CCDC148: variants seen among roughly 807,000 people sequenced by gnomAD.
CCDC148 encodes the protein coiled-coil domain containing 148.
In CCDC148, 89 loss-of-function variants were observed where a neutral mutation model predicts 85.7. The ratio of observed to expected loss-of-function variants is 1.04; its 90% CI spans 0.87 to 1.24. The LOEUF (loss-of-function observed/expected upper bound fraction) is 1.24. Among genes scored for constraint, CCDC148 ranks in the 50% most tolerant of loss-of-function variants. CCDC148 has a pLI of 0.00. For missense variants in CCDC148, 692 were observed against 671.7 expected, an observed-to-expected ratio of 1.03 and a Z score of -0.33; for synonymous variants, 230 against 213.9, an observed-to-expected ratio of 1.08 and a Z score of -0.66.
At chr2:158,259,582 T>C (rs112509006) in intron 9 of CCDC148, among the ~76,000 whole-genome samples, 1 of 151,254 alleles carries the variant, frequency 6.6e-6, no homozygotes, top group Non-Finnish European at 1.5e-5. Context: ...ATATATTTAT[T>C]GGATTAATTT....
chr2:158,325,491 T>C (rs1414000555), intron 7 of CCDC148, among the ~76,000 whole-genome samples: 1 of 152,166 alleles, frequency 6.6e-6, no homozygotes, highest in Non-Finnish European at 1.5e-5. Flanking sequence ...GGATCAGTCT[T>C]TGATTTTCTC....
chr2:158,289,632 T>A (rs2105185947), intron 9 of CCDC148, among the ~76,000 whole-genome samples: 1 of 152,348 alleles, frequency 6.6e-6, no homozygotes, highest in South Asian at 2.1e-4. Flanking sequence ...ATGTAGCTGG[T>A]ACAAGTTCTG....
At chr2:158,439,807 T>A (rs928669519) in intron 1 of CCDC148, among the ~76,000 whole-genome samples, 1 of 152,136 alleles carries the variant, frequency 6.6e-6, no homozygotes, top group African/African-American at 2.4e-5. Flanking sequence ...AAAATGTAAA[T>A]TTAAACTACA....
chr2:158,379,518 G>A (rs984022597), intron 1 of CCDC148, among the ~76,000 whole-genome samples: 2 of 152,128 alleles, frequency 1.3e-5, no homozygotes, highest in Admixed American at 6.6e-5. Flanking sequence ...TCTATGGTGC[G>A]TAAAATGCTA....
At chr2:158,329,125 T>G (rs1415942470) in intron 7 of CCDC148, among the ~76,000 whole-genome samples, 1 of 152,246 alleles carries the variant, frequency 6.6e-6, no homozygotes, top group Non-Finnish European at 1.5e-5. Flanking sequence ...CTAGGTTTTC[T>G]TCTAGGGTTT....
At position 158,415,136 on chromosome 2, in the gene CCDC148, T is replaced by TAA. The variant is rs11284036; in HGVS notation, c.25+41277_25+41278dup. ...AACTGCCTGAGACTGAGTAATTCAT[T>TAA]AAAAAAAAAAAAGAGGCTTAAATGG... On this transcript the variant is annotated intron_variant, in intron 1 of 13. Coordinates refer to ENST00000283233, the MANE Select transcript of CCDC148 (RefSeq NM_138803.4). Among the ~76,000 whole-genome samples the TAA allele has an allele frequency of 6.0e-4, 87 of 144,844 alleles. 1 individual carries two copies. Among genetic ancestry groups the TAA allele is most frequent in the African/African-American group, 1.9e-3 (76 of 39,160 alleles).
At chr2:158,415,136 TAAA>T (rs11284036) in intron 1 of CCDC148, among the ~76,000 whole-genome samples, 1 of 144,780 alleles carries the variant, frequency 6.9e-6, no homozygotes. Flanking sequence ...AGTAATTCAT[TAAA>T]AAAAAAAAAG....
At chr2:158,321,904 C>T (rs998570556) in intron 7 of CCDC148, among the ~76,000 whole-genome samples, 18 of 152,012 alleles carry the variant, frequency 1.2e-4, no homozygotes, top group Non-Finnish European at 2.1e-4. Context: ...CACATAAGGA[C>T]AGTGAAAGAG....
chr2:158,340,541 C>A (rs946464393), intron 4 of CCDC148, 57 bp downstream of exon 4: 14 of 1,391,246 alleles, frequency 1.0e-5, no homozygotes, highest in Non-Finnish European at 1.4e-5. Flanking sequence ...GTGAGTGGCC[C>A]ATTCTCATTC....
chr2:158,340,969 T>G (rs1005506556), intron 3 of CCDC148, among the ~76,000 whole-genome samples: 3 of 152,136 alleles, frequency 2.0e-5, no homozygotes, highest in Admixed American at 6.5e-5. Flanking sequence ...CTGACCTCAC[T>G]TCCTCAGATC....
intron 2 of CCDC148, 115 bp downstream of exon 2, chr2:158,358,334 G>T: frequency 8.2e-7 from 1 of 1,219,096 alleles, no homozygotes; most frequent in Non-Finnish European, 1.1e-6. Flanking sequence ...ATTTCTACTT[G>T]GGAGTTTCTA....
chr2:158,348,019 T>C (rs1271139513), intron 2 of CCDC148, among the ~76,000 whole-genome samples: 1 of 152,086 alleles, frequency 6.6e-6, no homozygotes, highest in South Asian at 2.1e-4. Context: ...CTAATATTGC[T>C]AGTGGGAATA....
intron 9 of CCDC148, among the ~76,000 whole-genome samples, chr2:158,306,619 A>G (rs1275731659): frequency 6.7e-6 from 1 of 149,128 alleles, no homozygotes; most frequent in Non-Finnish European, 1.5e-5. Context: ...ATAGGTGGGA[A>G]TTGAACAACG....
chr2:158,416,721 C>G (rs1262632004), intron 1 of CCDC148, among the ~76,000 whole-genome samples: 1 of 152,160 alleles, frequency 6.6e-6, no homozygotes, highest in East Asian at 1.9e-4. Context: ...TTCTTCTGAG[C>G]CCTCTGCACT....
intron 2 of CCDC148, among the ~76,000 whole-genome samples, chr2:158,349,687 A>C (rs1385368236): frequency 6.6e-6 from 1 of 152,102 alleles, no homozygotes; most frequent in African/African-American, 2.4e-5. Flanking sequence ...TCTAAATTAA[A>C]TTAGAAGACT....
At chr2:158,282,661 C>T (rs1559041898) in intron 9 of CCDC148, among the ~76,000 whole-genome samples, 1 of 152,234 alleles carries the variant, frequency 6.6e-6, no homozygotes, top group African/African-American at 2.4e-5. Context: ...ATTCCATGCT[C>T]ATGGGTAGGA....
At position 158,456,725 on chromosome 2, in the gene CCDC148, C is replaced by T. The variant is rs1051121737; in HGVS notation, c.-286G>A. On this transcript the variant is annotated 5_prime_UTR_variant, in exon 1 of 14. Coordinates refer to ENST00000283233, the MANE Select transcript of CCDC148 (RefSeq NM_138803.4). ...CTCTCACACCCACCCTCTCCAGGCC[C>T]TCTCGCGCTGAACAGCATCGGTCTC... 36 of 482,832 alleles carry T rather than the reference C, an allele frequency of 7.5e-5. No homozygotes were observed. The East Asian group carries it at 1.1e-3, about 15-fold the overall frequency. The allele number at this position is 482,832 out of a possible 1,614,324, so 29.9% of individuals were successfully genotyped here.
chr2:158,277,759 G>A (rs538789144), intron 9 of CCDC148, among the ~76,000 whole-genome samples: 4 of 152,218 alleles, frequency 2.6e-5, no homozygotes, highest in African/African-American at 9.6e-5. Flanking sequence ...ATCATGCCCA[G>A]CTAATTTTTT....
intron 7 of CCDC148, among the ~76,000 whole-genome samples, chr2:158,338,101 T>C (rs1682481632): frequency 6.6e-6 from 1 of 152,110 alleles, no homozygotes; most frequent in South Asian, 2.1e-4. Flanking sequence ...ACCATTGATC[T>C]AGTTCAGAGT....
Sources: allele counts gnomAD v4.1 joint callset (sites outside exome capture counted in the v4.1 genomes callset), GRCh38; gene constraint gnomAD v4.1.1; transcripts MANE v1.5; gene names NCBI Gene and HGNC (gene_info 2026-07-23, HGNC 2026-07-21).